Variants in DGKB observed in about 807,000 individuals in gnomAD.
DGKB encodes diacylglycerol kinase beta, also known as 90 kDa diacylglycerol kinase.
In DGKB, 67 loss-of-function variants were observed where a neutral mutation model predicts 114.3. The observed-to-expected ratio is 0.59, with a 90% CI of 0.48 to 0.72. The LOEUF (loss-of-function observed/expected upper bound fraction) is 0.72, where lower values mean the gene tolerates loss of function less well. Ranked by LOEUF, DGKB falls within the 30% of genes least tolerant of loss-of-function variation. The pLI is 0.00. For missense variants in DGKB, 907 were observed against 975.2 expected (o/e 0.93, Z 0.93); for synonymous variants, 398 against 323.1 (o/e 1.23, Z -2.49).
rs1251262576 is a variant in DGKB at position 14,526,768 on chromosome 7, G to T, written c.1770+47444C>A. Among the ~76,000 whole-genome samples, 3 of 152,028 alleles carry T rather than the reference G, an allele frequency of 2.0e-5. No homozygotes were observed. The East Asian group carries it at 5.8e-4, about 29-fold the overall frequency. Reference sequence around the variant, plus strand: ...TCTAATGCAGTTCGTAATAGAGAAAGAATGAATTCTAAACCTCCATACATA... The same window carrying T: ...TCTAATGCAGTTCGTAATAGAGAAATAATGAATTCTAAACCTCCATACATA... On this transcript the variant is annotated intron_variant, in intron 20 of 25. Coordinates refer to ENST00000402815, the MANE Select transcript of DGKB (RefSeq NM_001350709.2).
chr7:14,842,347 C>T (rs1201022359), intron 1 of DGKB, among the ~76,000 whole-genome samples: 1 of 152,190 alleles, frequency 6.6e-6, no homozygotes, highest in Admixed American at 6.5e-5. Flanking sequence ...CAGGACCTCA[C>T]TGTCAAATCC....
At position 14,362,387 on chromosome 7, in the gene DGKB, G is replaced by A. The variant is rs1815916582; in HGVS notation, c.1836-16996C>T. Among the ~76,000 whole-genome samples the A allele has an allele frequency of 3.3e-5, 5 of 151,910 alleles. No individual in the cohort carries two copies. In the South Asian group the frequency reaches 1.0e-3, roughly 32 times the overall value. On this transcript the variant is annotated intron_variant, in intron 21 of 25. Transcript: ENST00000402815. ...GACAACTTCCCAATGAACATAAAAG[G>A]GAAGACCACAGAAAATAATGCCTAT...
intron 21 of DGKB, among the ~76,000 whole-genome samples, chr7:14,384,692 C>A (rs1305388795): frequency 1.3e-5 from 2 of 152,226 alleles, no homozygotes; most frequent in Non-Finnish European, 2.9e-5. Flanking sequence ...CTAACACAAA[C>A]TAAACCTTTA....
intron 5 of DGKB, among the ~76,000 whole-genome samples, chr7:14,734,462 C>T (rs1831412149): frequency 6.6e-6 from 1 of 152,038 alleles, no homozygotes; most frequent in Admixed American, 6.6e-5. Flanking sequence ...ATTTTCATAA[C>T]GGTATTAAGA....
intron 5 of DGKB, among the ~76,000 whole-genome samples, chr7:14,719,305 A>G (rs1209812746): frequency 6.6e-6 from 1 of 152,150 alleles, no homozygotes; most frequent in Non-Finnish European, 1.5e-5. Flanking sequence ...TTTGGTTTTT[A>G]AATGGTTCTG....
chr7:14,941,548 C>A (rs1785572724), intron 1 of DGKB, among the ~76,000 whole-genome samples: 1 of 151,990 alleles, frequency 6.6e-6, no homozygotes, highest in Non-Finnish European at 1.5e-5. Context: ...AATTTGTAAA[C>A]ATATATAGTT....
intron 1 of DGKB, among the ~76,000 whole-genome samples, chr7:14,859,942 T>G (rs759789511): frequency 2.0e-5 from 3 of 151,914 alleles, no homozygotes; most frequent in Non-Finnish European, 4.4e-5. Context: ...AGCCCAGAAA[T>G]AAAAAGTTAG....
chr7:14,949,164 T>G (rs1329914391), intron 1 of DGKB, among the ~76,000 whole-genome samples: 1 of 151,716 alleles, frequency 6.6e-6, no homozygotes, highest in Non-Finnish European at 1.5e-5. Flanking sequence ...AAAGAAACAT[T>G]AATAAAAAAA....
At chr7:14,675,616 G>C (rs1219655715) in intron 12 of DGKB, among the ~76,000 whole-genome samples, 1 of 151,640 alleles carries the variant, frequency 6.6e-6, no homozygotes, top group East Asian at 1.9e-4. Context: ...AATAAATCTA[G>C]TATGGGATTT....
At chr7:14,359,138 G>C (rs1466354155) in intron 21 of DGKB, among the ~76,000 whole-genome samples, 1 of 151,950 alleles carries the variant, frequency 6.6e-6, no homozygotes, top group East Asian at 1.9e-4. Context: ...CAACGGAACA[G>C]AACAGAGGCC....
chr7:14,836,264 C>G (rs183262399), intron 2 of DGKB, among the ~76,000 whole-genome samples: 170 of 152,288 alleles, frequency 1.1e-3, no homozygotes, highest in African/African-American at 4.0e-3. Context: ...TTGAAAAGAA[C>G]AAATTCACTG....
At chr7:14,573,040 T>C (rs929195333) in intron 20 of DGKB, among the ~76,000 whole-genome samples, 2 of 152,100 alleles carry the variant, frequency 1.3e-5, no homozygotes, top group African/African-American at 2.4e-5. Context: ...GTAATAAAAA[T>C]GTTCTAAAAT....
intron 25 of DGKB, among the ~76,000 whole-genome samples, chr7:14,151,201 A>G (rs542861478): frequency 6.6e-6 from 1 of 152,220 alleles, no homozygotes; most frequent in South Asian, 2.1e-4. Context: ...TTTCGGGTTC[A>G]TAATTTCTGG....
At chr7:14,490,350 A>G (rs938145380) in intron 20 of DGKB, among the ~76,000 whole-genome samples, 3 of 152,334 alleles carry the variant, frequency 2.0e-5, no homozygotes, top group African/African-American at 7.2e-5. Flanking sequence ...TTTATACCTG[A>G]AAGACAATTA....
At chr7:14,497,588 A>G (rs1191406245) in intron 20 of DGKB, among the ~76,000 whole-genome samples, 2 of 151,862 alleles carry the variant, frequency 1.3e-5, no homozygotes, top group East Asian at 3.9e-4. Context: ...ATAAATGACC[A>G]TAAATAGCCT....
At chr7:14,918,267 G>T (rs147922109) in intron 1 of DGKB, among the ~76,000 whole-genome samples, 115 of 152,070 alleles carry the variant, frequency 7.6e-4, no homozygotes, top group Non-Finnish European at 1.3e-3. Flanking sequence ...GATAAGAAAA[G>T]AAAATAAAAG....
At chr7:14,631,516 C>T (rs12672892) in intron 13 of DGKB, among the ~76,000 whole-genome samples, 38,993 of 151,784 alleles carry the variant, frequency 0.26, 5,905 homozygotes, top group East Asian at 0.59. Context: ...AAAGAAGCCA[C>T]GAAGTGGAAG....
intron 23 of DGKB, among the ~76,000 whole-genome samples, chr7:14,305,531 A>C (rs184927158): frequency 1.3e-5 from 2 of 152,304 alleles, no homozygotes; most frequent in African/African-American, 4.8e-5. Context: ...TCTAATGTAC[A>C]TGGATATACA....
intron 6 of DGKB, among the ~76,000 whole-genome samples, chr7:14,708,965 C>A (rs1431490398): frequency 2.7e-5 from 4 of 150,128 alleles, no homozygotes; most frequent in East Asian, 2.0e-4. Context: ...ATTGACAAAT[C>A]GGATCTAATT....
Sources: allele counts gnomAD v4.1 joint callset (sites outside exome capture counted in the v4.1 genomes callset), GRCh38; gene constraint gnomAD v4.1.1; transcripts MANE v1.5; gene names NCBI Gene and HGNC (gene_info 2026-07-23, HGNC 2026-07-21).